Variants in TPD52 observed in about 807,000 individuals in gnomAD.
The protein encoded by TPD52 is prostate and colon associated protein.
A neutral mutation model predicts 31.3 loss-of-function variants in TPD52; 17 were observed. That is an observed-to-expected ratio of 0.54 (90% CI 0.37 to 0.82). The LOEUF is 0.82. TPD52 is among the 40% of genes least tolerant of loss of function. TPD52 has a pLI of 0.00. For missense variants in TPD52, 212 were observed against 240.1 expected (o/e 0.88, Z 0.77); for synonymous variants, 83 against 89.6 (o/e 0.93, Z 0.42).
At chr8:80,055,807 A>G (rs1035663791) in intron 2 of TPD52, among the ~76,000 whole-genome samples, 10 of 152,226 alleles carry the variant, frequency 6.6e-5, no homozygotes, top group African/African-American at 2.2e-4. Flanking sequence ...ACTAATCATC[A>G]GGGAAATGCA....
chr8:80,105,433 C>G (rs4740105), intron 1 of TPD52, among the ~76,000 whole-genome samples: 1 of 151,988 alleles, frequency 6.6e-6, no homozygotes, highest in Non-Finnish European at 1.5e-5. Context: ...TTCTAATTAC[C>G]GGTACATGCA....
chr8:80,072,772 T>C (rs963937699), intron 1 of TPD52, among the ~76,000 whole-genome samples: 8 of 147,856 alleles, frequency 5.4e-5, no homozygotes. Context: ...CACACACACA[T>C]ATATATACAC....
In TPD52 at chr8:80,144,898, C is replaced by A. The variant is rs1020817852; in HGVS notation, c.19+26527G>T. 5.3e-5 allele frequency among the ~76,000 whole-genome samples: 8 copies of A among 151,820 alleles called. No homozygotes were observed. In the South Asian group the frequency reaches 1.7e-3, roughly 32 times the overall value. ...AAGTTATAACAACCAAAAAAAAAAA[C>A]CTAATAAGCATAGTATCTATTCAAA... is the stretch of plus-strand genomic sequence containing the variant. On this transcript the variant is annotated intron_variant, in intron 1 of 7. Transcript: ENST00000518937.
rs1013916037 is a variant in TPD52 at position 80,045,746 on chromosome 8, G to A, written c.414-1538C>T. 6.6e-5 allele frequency among the ~76,000 whole-genome samples: 10 copies of A among 152,180 alleles called. No individual in the cohort carries two copies. In the South Asian group the frequency reaches 1.0e-3, roughly 16 times the overall value. ...CCAGTTGATGGAGCTGGTTTGGGTG[G>A]AGCCTGGCCTTGCTTTCTTTTCTCT... On this transcript the variant is annotated intron_variant, in intron 5 of 7. Coordinates refer to ENST00000518937, the MANE Select transcript of TPD52 (RefSeq NM_001025253.3).
intron 1 of TPD52, among the ~76,000 whole-genome samples, chr8:80,146,021 T>C (rs1810167052): frequency 6.6e-6 from 1 of 152,088 alleles, no homozygotes; most frequent in African/African-American, 2.4e-5. Context: ...TTCCAAAAAA[T>C]TAAAAAGGGT....
At position 80,106,836 on chromosome 8, in the gene TPD52, C is replaced by T. The variant is rs1446379571; in HGVS notation, c.20-42243G>A. On this transcript the variant is annotated intron_variant, in intron 1 of 7. Coordinates refer to ENST00000518937, the MANE Select transcript of TPD52 (RefSeq NM_001025253.3). ...ATAAACCACAAAAAGCAAAAAAAAA[C>T]CCCAAAAAAACATAAATAACCTTTT... Among the ~76,000 whole-genome samples, 3 of 143,704 alleles carry T rather than the reference C, an allele frequency of 2.1e-5. No individual in the cohort carries two copies. In the South Asian group the frequency reaches 6.8e-4, roughly 33 times the overall value. The allele number at this position is 143,704 out of a possible 152,430, so 94.3% of individuals were successfully genotyped here.
chr8:80,059,888 C>G (rs573455717), intron 2 of TPD52, among the ~76,000 whole-genome samples: 1 of 151,920 alleles, frequency 6.6e-6, no homozygotes, highest in African/African-American at 2.4e-5. Context: ...CAAGACCAGC[C>G]TGGCCAACAT....
chr8:80,126,253 A>T lies in TPD52; in HGVS notation c.19+45172T>A, dbSNP rs192515943. Among the ~76,000 whole-genome samples, 30 of 152,276 alleles carry T rather than the reference A, an allele frequency of 2.0e-4. No homozygotes were observed. The East Asian group carries it at 4.0e-3, about 21-fold the overall frequency. On this transcript the variant is annotated intron_variant, in intron 1 of 7. Coordinates refer to ENST00000518937, the MANE Select transcript of TPD52 (RefSeq NM_001025253.3). ...ACTATTTTGAGAAAGCAAGGGGGAA[A>T]ATGTATTATCTCAAATTCTATAACT...
At chr8:80,171,363 AAAGCCCGAGTCC>A (rs201086010) in intron 1 of TPD52, 50 bp downstream of exon 1, 635,330 of 1,584,474 alleles carry the variant, frequency 0.4, 137,133 homozygotes, top group African/African-American at 0.74. Context: ...GCGCCGAGCC[AAAGCCCGAGTCC>A]AAGCCCGAGT....
chr8:80,080,430 T>C (rs1238262280), intron 1 of TPD52: 2 of 1,614,070 alleles, frequency 1.2e-6, no homozygotes, highest in Non-Finnish European at 1.7e-6. Context: ...AGTCCTCATA[T>C]AAGTCCATCT....
intron 1 of TPD52, among the ~76,000 whole-genome samples, chr8:80,099,992 G>T (rs1406219658): frequency 6.6e-6 from 1 of 152,210 alleles, no homozygotes; most frequent in Non-Finnish European, 1.5e-5. Flanking sequence ...GGCAGCCCTA[G>T]TTCCTTTCTG....
At chr8:80,145,582 G>T (rs1440089789) in intron 1 of TPD52, among the ~76,000 whole-genome samples, 1 of 152,156 alleles carries the variant, frequency 6.6e-6, no homozygotes, top group African/African-American at 2.4e-5. Flanking sequence ...CTTCTTTCAG[G>T]AGTACTGCAC....
At chr8:80,085,571 G>T (rs893735510) in intron 1 of TPD52, among the ~76,000 whole-genome samples, 3 of 151,976 alleles carry the variant, frequency 2.0e-5, no homozygotes, top group African/African-American at 7.3e-5. Flanking sequence ...GGCTGGAAGG[G>T]GCTCCAACTA....
chr8:80,140,086 AG>A (rs1809721114), intron 1 of TPD52, among the ~76,000 whole-genome samples: 1 of 152,250 alleles, frequency 6.6e-6, no homozygotes, highest in African/African-American at 2.4e-5. Context: ...TTTCAGCACC[AG>A]TCCAGCTGTG....
At chr8:80,047,832 C>T (rs1487241753) in intron 5 of TPD52, among the ~76,000 whole-genome samples, 1 of 152,052 alleles carries the variant, frequency 6.6e-6, no homozygotes, top group East Asian at 1.9e-4. Context: ...TGAAGAAACA[C>T]ACATTTAAAA....
chr8:80,133,086 C>T (rs563460612), intron 1 of TPD52, among the ~76,000 whole-genome samples: 13 of 152,192 alleles, frequency 8.5e-5, no homozygotes, highest in Non-Finnish European at 1.9e-4. Flanking sequence ...CTCTTAGCTG[C>T]ATAACCTTGG....
chr8:80,156,178 A>G (rs1257259398), intron 1 of TPD52, among the ~76,000 whole-genome samples: 2 of 152,136 alleles, frequency 1.3e-5, no homozygotes, highest in African/African-American at 4.8e-5. Flanking sequence ...ACCCGCTCAC[A>G]TGAGGGGCTA....
intron 1 of TPD52, among the ~76,000 whole-genome samples, chr8:80,098,284 C>A (rs900499804): frequency 2.0e-5 from 3 of 152,182 alleles, no homozygotes; most frequent in Non-Finnish European, 1.5e-5. Flanking sequence ...TTTAAGAAAT[C>A]CATTTTGTAA....
chr8:80,032,894 T>C (rs1284087213), downstream of TPD52: 1 of 152,430 alleles, frequency 6.6e-6, no homozygotes, highest in Admixed American at 6.5e-5. Context: ...GGGCTCATTC[T>C]GCCCACTCTG....
Sources: allele counts gnomAD v4.1 joint callset (sites outside exome capture counted in the v4.1 genomes callset), GRCh38; gene constraint gnomAD v4.1.1; transcripts MANE v1.5; gene names NCBI Gene and HGNC (gene_info 2026-07-23, HGNC 2026-07-21).